ARSG: variants seen among roughly 807,000 people sequenced by gnomAD.
ARSG encodes the protein ASG.
ARSG carries 37 observed loss-of-function variants against 50.5 expected under a neutral mutation model. The observed-to-expected ratio is 0.73, with a 90% CI of 0.56 to 0.96. The LOEUF (loss-of-function observed/expected upper bound fraction) is 0.96. Ranked by LOEUF, ARSG falls within the 50% of genes least tolerant of loss-of-function variation. The pLI is 0.00. For synonymous variants in ARSG, 225 were observed against 254.6 expected, an observed-to-expected ratio of 0.88 and a Z score of 1.11; for missense variants, 629 against 675.3, an observed-to-expected ratio of 0.93 and a Z score of 0.76.
At chr17:68,383,541 C>G (rs1213556190) in intron 8 of ARSG, among the ~76,000 whole-genome samples, 1 of 152,246 alleles carries the variant, frequency 6.6e-6, no homozygotes, top group Non-Finnish European at 1.5e-5. Flanking sequence ...CACCCATACC[C>G]CAAGCTTCCA....
intron 6 of ARSG, among the ~76,000 whole-genome samples, chr17:68,366,677 ATGTGTGTGTG>A (rs3072873): frequency 6.7e-6 from 1 of 148,258 alleles, no homozygotes; most frequent in Non-Finnish European, 1.5e-5. Context: ...GAATTTATGT[ATGTGTGTGTG>A]TGTGTGTGTG....
chr17:68,387,810 C>A (rs555295271), intron 9 of ARSG, among the ~76,000 whole-genome samples: 8 of 152,234 alleles, frequency 5.3e-5, no homozygotes, highest in Admixed American at 4.6e-4. Flanking sequence ...AACCTATATC[C>A]TTGAGGCCCT....
chr17:68,343,275 G>T (rs997308961), intron 2 of ARSG, among the ~76,000 whole-genome samples: 3 of 152,144 alleles, frequency 2.0e-5, no homozygotes, highest in Non-Finnish European at 4.4e-5. Context: ...TCCTGTCTCA[G>T]CCTCCTGAGT....
intron 1 of ARSG, among the ~76,000 whole-genome samples, chr17:68,275,015 G>A (rs555176149): frequency 6.6e-6 from 1 of 152,248 alleles, no homozygotes; most frequent in East Asian, 1.9e-4. Flanking sequence ...ACTGACCTCA[G>A]GTGATCCGCC....
intron 2 of ARSG, among the ~76,000 whole-genome samples, chr17:68,342,647 A>G (rs2078321777): frequency 6.6e-6 from 1 of 152,172 alleles, no homozygotes; most frequent in South Asian, 2.1e-4. Flanking sequence ...GGCGTGAGCC[A>G]CCGCACCTGG....
chr17:68,388,196 A>G (rs2080816514), intron 9 of ARSG, among the ~76,000 whole-genome samples: 1 of 152,214 alleles, frequency 6.6e-6, no homozygotes, highest in African/African-American at 2.4e-5. Context: ...CTTTGGCAGC[A>G]CATGGGAAAA....
intron 9 of ARSG, 111 bp downstream of exon 9, chr17:68,385,283 G>C: frequency 1.2e-6 from 1 of 860,206 alleles, no homozygotes; most frequent in South Asian, 1.5e-5. Flanking sequence ...TGGGTGGCTA[G>C]AGGCCTCAGG....
chr17:68,270,714 TG>T, intron 1 of ARSG: 1 of 809,926 alleles, frequency 1.2e-6, no homozygotes, highest in Non-Finnish European at 1.9e-6. Context: ...CTCTAATCCC[TG>T]GCAGCTCTAA....
intron 8 of ARSG, among the ~76,000 whole-genome samples, chr17:68,374,850 G>GAAA (rs11406219): frequency 3.3e-5 from 4 of 121,434 alleles, no homozygotes; most frequent in Non-Finnish European, 5.4e-5. Context: ...GTGAGACTCA[G>GAAA]AAAAAAAAAA....
chr17:68,291,197 G>A (rs1472207323), upstream of ARSG: 1 of 152,014 alleles, frequency 6.6e-6, no homozygotes, highest in African/African-American at 2.4e-5. Context: ...AACCCCTTAG[G>A]GGGCGGGCCC....
chr17:68,392,819 G>A (rs1568567926), intron 9 of ARSG, among the ~76,000 whole-genome samples: 1 of 152,154 alleles, frequency 6.6e-6, no homozygotes, highest in South Asian at 2.1e-4. Context: ...ACTTTGTAAT[G>A]GACTAAAAGA....
chr17:68,383,737 A>G (rs541834454), intron 8 of ARSG, among the ~76,000 whole-genome samples: 2 of 152,296 alleles, frequency 1.3e-5, no homozygotes, highest in East Asian at 3.9e-4. Flanking sequence ...AATAAATTGG[A>G]GGGAGCTATA....
intron 3 of ARSG, among the ~76,000 whole-genome samples, chr17:68,345,477 T>G (rs768298479): frequency 5.1e-4 from 77 of 152,250 alleles, no homozygotes; most frequent in Non-Finnish European, 1.0e-3. Flanking sequence ...AGCAACTGTT[T>G]GCAGCTTGAC....
At position 68,402,489 on chromosome 17, in the gene ARSG, C is replaced by T. The variant is rs144706949; in HGVS notation, c.1303+1039C>T. On this transcript the variant is annotated intron_variant, in intron 11 of 11. Transcript: ENST00000621439. ...TGAACTCCTGACCTCGTGATCCGCCCGCCTTTCAGCCTCCCAATCCTGTAC... is the reference window on the plus strand; with the variant it reads ...TGAACTCCTGACCTCGTGATCCGCCTGCCTTTCAGCCTCCCAATCCTGTAC... Among the ~76,000 whole-genome samples the T allele has an allele frequency of 3.6e-3, 541 of 151,826 alleles. 1 individual carries two copies. The highest frequency in any genetic ancestry group is 0.01 in the African/African-American group (433 of 41,398).
At chr17:68,304,474 T>C (rs184155324) in intron 1 of ARSG, among the ~76,000 whole-genome samples, 403 of 152,370 alleles carry the variant, frequency 2.6e-3, no homozygotes, top group Non-Finnish European at 4.9e-3. Flanking sequence ...ATTAAGTACA[T>C]ATTTGCCCAT....
At chr17:68,318,681 C>G (rs965520905) in intron 2 of ARSG, among the ~76,000 whole-genome samples, 1 of 152,198 alleles carries the variant, frequency 6.6e-6, no homozygotes, top group East Asian at 1.9e-4. Context: ...AATATGTTAA[C>G]TTTGCGCCTT....
intron 9 of ARSG, among the ~76,000 whole-genome samples, chr17:68,391,019 C>CA (rs2147097200): frequency 6.6e-6 from 1 of 151,806 alleles, no homozygotes; most frequent in South Asian, 2.1e-4. Context: ...AAAAGCCGGG[C>CA]ACCGAAACGA....
At chr17:68,450,994 A>G in the ARSG span, 2 of 1,477,746 alleles carry the variant, frequency 1.4e-6, no homozygotes, top group Non-Finnish European at 1.8e-6. Context: ...CCAGGTTCCA[A>G]AGGTTCTCCG....
At chr17:68,298,293 G>C (rs1469929725) in intron 1 of ARSG, among the ~76,000 whole-genome samples, 1 of 152,022 alleles carries the variant, frequency 6.6e-6, no homozygotes, top group Admixed American at 6.6e-5. Context: ...GGGGTGCTCA[G>C]GATGCCATAA....
Sources: gnomAD v4.1 joint callset for allele counts (sites outside exome capture counted in the v4.1 genomes callset) on GRCh38, gnomAD v4.1.1 for gene constraint, MANE v1.5 for transcripts, NCBI Gene and HGNC (gene_info 2026-07-23, HGNC 2026-07-21) for gene names.